FOXP1: variants seen among roughly 807,000 people sequenced by gnomAD.
FOXP1 encodes forkhead box protein P1.
A neutral mutation model predicts 98.2 loss-of-function variants in FOXP1; 15 were observed. The ratio of observed to expected loss-of-function variants is 0.15; its 90% CI spans 0.10 to 0.24. The LOEUF (loss-of-function observed/expected upper bound fraction) is 0.24, where lower values mean the gene tolerates loss of function less well. FOXP1 is among the 10% of genes least tolerant of loss of function. The pLI, the probability that FOXP1 is intolerant of heterozygous loss-of-function variation, is 1.00. For synonymous variants in FOXP1, 371 were observed against 314.5 expected (o/e 1.18, Z -1.90); for missense variants, 633 against 848.5 (o/e 0.75, Z 3.15).
chr3:71,356,767 A>G (rs1490348053), intron 4 of FOXP1, among the ~76,000 whole-genome samples: 1 of 152,204 alleles, frequency 6.6e-6, no homozygotes, highest in Non-Finnish European at 1.5e-5. Flanking sequence ...CCATGCTGCT[A>G]TCCTGTATCC....
chr3:71,041,969 A>AATATAGTTATATTATTAAAT (rs2048409505), intron 10 of FOXP1, among the ~76,000 whole-genome samples: 1 of 152,218 alleles, frequency 6.6e-6, no homozygotes, highest in African/African-American at 2.4e-5. Flanking sequence ...AATGATGACA[A>AATATAGTTATATTATTAAAT]ATAGCTTTGT....
chr3:71,340,850 G>T (rs1275084509), intron 4 of FOXP1, among the ~76,000 whole-genome samples: 1 of 152,216 alleles, frequency 6.6e-6, no homozygotes, highest in East Asian at 1.9e-4. Context: ...TTCAGAGAGT[G>T]TTTTAATTCT....
chr3:71,201,463 T>C lies in FOXP1; in HGVS notation c.-11-3071A>G, dbSNP rs574832226. 4.6e-5 allele frequency among the ~76,000 whole-genome samples: 7 copies of C among 152,006 alleles called. No individual in the cohort carries two copies. In the South Asian group the frequency reaches 1.0e-3, roughly 23 times the overall value. On this transcript the variant is annotated intron_variant, in intron 5 of 20. Coordinates refer to ENST00000649528, the MANE Select transcript of FOXP1 (RefSeq NM_001349338.3). Reference sequence around the variant, plus strand: ...GAGTTCGAGACCAGCCTGGCCAACATGGTGAAACTGCTCTCTACTAAAAAT... The same window carrying C: ...GAGTTCGAGACCAGCCTGGCCAACACGGTGAAACTGCTCTCTACTAAAAAT...
chr3:71,026,463 G>T (rs561998822), intron 11 of FOXP1, among the ~76,000 whole-genome samples: 1 of 152,224 alleles, frequency 6.6e-6, no homozygotes, highest in South Asian at 2.1e-4. Context: ...ATTTTCACAG[G>T]GGATGGCAGA....
At chr3:71,498,936 T>C (rs746745281) in intron 2 of FOXP1, among the ~76,000 whole-genome samples, 1 of 152,148 alleles carries the variant, frequency 6.6e-6, no homozygotes, top group East Asian at 1.9e-4. Context: ...ACCCTGAAGA[T>C]CTAGGAAGGA....
At chr3:71,114,127 T>C (rs1374729468) in intron 6 of FOXP1, among the ~76,000 whole-genome samples, 1 of 152,220 alleles carries the variant, frequency 6.6e-6, no homozygotes, top group Non-Finnish European at 1.5e-5. Flanking sequence ...ATGTCATCAA[T>C]ACATCAAAAG....
chr3:71,204,628 G>A (rs982822744), intron 5 of FOXP1, among the ~76,000 whole-genome samples: 21 of 152,322 alleles, frequency 1.4e-4, no homozygotes, highest in Admixed American at 1.3e-4. Flanking sequence ...ATGAGGAGAT[G>A]AGGCACTGAC....
upstream of FOXP1, chr3:71,583,847 C>T (rs1411072268): frequency 5.8e-5 from 57 of 986,306 alleles, no homozygotes; most frequent in Non-Finnish European, 6.7e-5. Context: ...CAGCACCGGC[C>T]CGGGGGCGCA....
At chr3:70,979,009 G>A (rs2107337897) in intron 14 of FOXP1, among the ~76,000 whole-genome samples, 1 of 152,200 alleles carries the variant, frequency 6.6e-6, no homozygotes, top group African/African-American at 2.4e-5. Flanking sequence ...GCTCACACCT[G>A]TAATCCCAGC....
At chr3:71,078,124 G>A (rs923607800) in intron 7 of FOXP1, among the ~76,000 whole-genome samples, 6 of 147,286 alleles carry the variant, frequency 4.1e-5, no homozygotes, top group African/African-American at 7.3e-5. Context: ...GAACCACCCC[G>A]CCCGGCCTCC....
intron 5 of FOXP1, among the ~76,000 whole-genome samples, chr3:71,298,241 CG>C (rs1475547604): frequency 1.3e-5 from 2 of 151,944 alleles, no homozygotes; most frequent in Non-Finnish European, 2.9e-5. Flanking sequence ...CCGAGGTGGG[CG>C]GATCACGAGG....
At chr3:70,980,338 T>C (rs1575830958) in intron 14 of FOXP1, among the ~76,000 whole-genome samples, 1 of 152,202 alleles carries the variant, frequency 6.6e-6, no homozygotes, top group South Asian at 2.1e-4. Flanking sequence ...GCTTTTATAA[T>C]TCAGACGCTG....
intron 11 of FOXP1, among the ~76,000 whole-genome samples, chr3:71,026,291 A>G (rs757378376): frequency 1.1e-4 from 16 of 152,208 alleles, no homozygotes; most frequent in Non-Finnish European, 1.8e-4. Flanking sequence ...ACATAAGCAG[A>G]CAGGGCAAAC....
rs1325009713 is a variant in FOXP1 at position 71,348,528 on chromosome 3, T to C, written c.-73+10622A>G. The stretch of plus-strand genomic sequence containing the variant: ...TTCAGTGTGTGTGTGTGTGCGTGTG[T>C]GTGTGTGTGTGTGTGTGTGTGCGTG... On this transcript the variant is annotated intron_variant, in intron 4 of 20. Coordinates refer to ENST00000649528, the MANE Select transcript of FOXP1 (RefSeq NM_001349338.3). Among the ~76,000 whole-genome samples, 724 of 126,154 alleles carry C rather than the reference T, an allele frequency of 5.7e-3. 11 individuals are homozygous for C. The highest frequency in any genetic ancestry group is 0.02 in the African/African-American group (687 of 33,682). 82.8% of individuals were successfully genotyped at this position (126,154 alleles called of 152,430 possible). A position where few individuals can be genotyped will look rare whatever the true frequency, so the allele number is the denominator to read the frequency against.
chr3:71,540,172 C>G (rs1347660802), intron 2 of FOXP1, among the ~76,000 whole-genome samples: 1 of 152,214 alleles, frequency 6.6e-6, no homozygotes, highest in Non-Finnish European at 1.5e-5. Context: ...TTGGTGAGGG[C>G]CCCTGCCAGG....
At chr3:71,544,273 CTTTT>C (rs1468900071) in intron 2 of FOXP1, among the ~76,000 whole-genome samples, 1 of 149,718 alleles carries the variant, frequency 6.7e-6, no homozygotes, top group East Asian at 2.0e-4. Flanking sequence ...GTATTTATTT[CTTTT>C]AATAATTTAT....
In FOXP1 at chr3:70,983,445, C is replaced by CG. The variant is rs531451738; in HGVS notation, c.1146+4548dup. Among the ~76,000 whole-genome samples the CG allele has an allele frequency of 9.3e-4, 142 of 151,990 alleles. 1 individual carries two copies. The highest frequency in any genetic ancestry group is 2.6e-3 in the African/African-American group (106 of 41,456). On this transcript the variant is annotated intron_variant, in intron 14 of 20. Transcript: ENST00000649528. ...GAAGAGTTAAAAGACCCTTTCTTTT[C>CG]GGGGGGGCACTTTGTTTTTATAGGA...
chr3:71,428,291 C>T (rs908033729), intron 3 of FOXP1, among the ~76,000 whole-genome samples: 3 of 152,182 alleles, frequency 2.0e-5, no homozygotes, highest in East Asian at 1.9e-4. Context: ...GTCTCCTGCC[C>T]GCCTAACCTC....
chr3:71,135,211 A>T (rs960927152), intron 6 of FOXP1, among the ~76,000 whole-genome samples: 3 of 146,268 alleles, frequency 2.1e-5, no homozygotes, highest in Non-Finnish European at 3.0e-5. Flanking sequence ...GTGAGCCAAG[A>T]TCGCACCACT....
Sources: gnomAD v4.1 joint callset for allele counts (sites outside exome capture counted in the v4.1 genomes callset) on GRCh38, gnomAD v4.1.1 for gene constraint, MANE v1.5 for transcripts, NCBI Gene and HGNC (gene_info 2026-07-23, HGNC 2026-07-21) for gene names.